The following GDF7 variants were observed in gnomAD, a reference collection of about 807,000 sequenced individuals.
GDF7 encodes the protein growth differentiation factor 7.
In GDF7, 12 loss-of-function variants were observed where a neutral mutation model predicts 13.4. That is an observed-to-expected ratio of 0.90 (90% confidence interval 0.57 to 1.45). GDF7 has a LOEUF of 1.45. GDF7 is among the 40% of genes most tolerant of loss of function. The pLI is 0.00. For synonymous variants in GDF7, 330 were observed against 306.4 expected, an observed-to-expected ratio of 1.08 and a Z score of -0.80; for missense variants, 651 against 652.4, an observed-to-expected ratio of 1.00 and a Z score of 0.02.
chr2:20,676,677 C>G lies in GDF7; in HGVS notation c.*5252C>G, dbSNP rs1466549102. 1.3e-5 allele frequency: 2 copies of G among 152,220 alleles called. No individual in the cohort carries two copies. The highest frequency in any genetic ancestry group is 4.8e-5 in the African/African-American group (2 of 41,446). 9.4% of individuals were successfully genotyped at this position (152,220 alleles called of 1,614,324 possible). A position where few individuals can be genotyped will look rare whatever the true frequency, so the allele number is the denominator to read the frequency against. On this transcript the variant is annotated 3_prime_UTR_variant, in exon 2 of 2. Transcript: ENST00000272224. ...CTGTCTGCCCATGACCTGCAGGTAC[C>G]CACCTTAACCAGAGCTTGGCTTGTG...
chr2:20,670,715 G>A lies in GDF7; in HGVS notation c.643G>A (p.Asp215Asn), dbSNP rs201836157. Reference protein sequence around the residue: ...GQRWEAFDVADAMRRHRREPR... With the variant: ...GQRWEAFDVANAMRRHRREPR... ...GCGCTGGGAGGCGTTCGACGTGGCG[G>A]ACGCCATGAGGCGCCACCGTCGTGA... is the stretch of plus-strand genomic sequence containing the variant. Residue 215 changes from aspartate to asparagine, a missense_variant, in exon 2 of 2, where the codon GAC becomes AAC. Around this residue, in one of 4 missense-constraint regions of GDF7, gnomAD observed 487 missense variants for 445.9 expected, o/e 1.09. Coordinates refer to ENST00000272224, the MANE Select transcript of GDF7 (RefSeq NM_182828.4). 6.5e-4 allele frequency: 961 copies of A among 1,477,484 alleles called. 3 individuals are homozygous for A. The highest frequency in any genetic ancestry group is 1.7e-3 in the Middle Eastern group (9 of 5,204). The allele number at this position is 1,477,484 out of a possible 1,614,324, so 91.5% of individuals were successfully genotyped here.
At chr2:20,669,872 A>G (rs1036301633) in intron 1 of GDF7, among the ~76,000 whole-genome samples, 1 of 152,334 alleles carries the variant, frequency 6.6e-6, no homozygotes, top group East Asian at 1.9e-4. Context: ...CCCAGCCTGC[A>G]TGGGAGACCG....
rs1662221807 is a variant in GDF7, at chr2:20,676,362, A to G, written c.*4937A>G. 6.6e-6 allele frequency: 1 copy of G among 152,282 alleles called. No homozygotes were observed. The allele number at this position is 152,282 out of a possible 1,614,324, so 9.4% of individuals were successfully genotyped here. A position where few individuals can be genotyped will look rare whatever the true frequency, so the allele number is the denominator to read the frequency against. The stretch of plus-strand genomic sequence containing the variant: ...TTTCTAAGTTTTCAGACAGCTTGGC[A>G]TCTTGTACCTGGAACCTCCTGACCA... On this transcript the variant is annotated 3_prime_UTR_variant, in exon 2 of 2. Transcript: ENST00000272224.
chr2:20,670,075 C>G (rs1039402998), intron 1 of GDF7, among the ~76,000 whole-genome samples: 5 of 152,196 alleles, frequency 3.3e-5, no homozygotes, highest in Non-Finnish European at 5.9e-5. Context: ...AACCCAGCCC[C>G]GGACTCTGAT....
In GDF7 at chr2:20,675,186, G is replaced by C. The variant is rs1165971175; in HGVS notation, c.*3761G>C. On this transcript the variant is annotated 3_prime_UTR_variant, in exon 2 of 2. Coordinates refer to ENST00000272224, the MANE Select transcript of GDF7 (RefSeq NM_182828.4). ...GAGAACCTGTCATCTCAGTGAGACAGGCCTCCCACTGGCCCTCAGTGGGCC... is the reference window on the plus strand; with the variant it reads ...GAGAACCTGTCATCTCAGTGAGACACGCCTCCCACTGGCCCTCAGTGGGCC... The C allele has an allele frequency of 6.6e-6, 1 of 152,218 alleles. No individual in the cohort carries two copies. The highest frequency in any genetic ancestry group is 2.4e-5 in the African/African-American group (1 of 41,454). The allele number at this position is 152,218 out of a possible 1,614,324, so 9.4% of individuals were successfully genotyped here. A position where few individuals can be genotyped will look rare whatever the true frequency, so the allele number is the denominator to read the frequency against.
At chr2:20,669,698 A>C (rs1243755756) in intron 1 of GDF7, among the ~76,000 whole-genome samples, 2 of 152,134 alleles carry the variant, frequency 1.3e-5, no homozygotes, top group Non-Finnish European at 2.9e-5. Flanking sequence ...GAGGAGGTGC[A>C]TTTGGGGTTG....
At position 20,671,161 on chromosome 2, in the gene GDF7, G is replaced by A. The variant is rs1662118028; in HGVS notation, c.1089G>A (p.Trp363Ter). The A allele has an allele frequency of 6.2e-7, 1 of 1,613,478 alleles. No individual in the cohort carries two copies. The highest frequency in any genetic ancestry group is 8.5e-7 in the Non-Finnish European group (1 of 1,179,882). Residue 363 changes from tryptophan (W) to a stop codon, truncating the protein, a stop_gained, in exon 2 of 2, where the codon TGG becomes TGA. Transcript: ENST00000272224. LOFTEE classifies it high-confidence loss of function. ...PLHVDFKELG[W>*]DDWIIAPLDY... ...ACGTGGACTTCAAGGAGCTCGGCTG[G>A]GACGACTGGATCATCGCGCCGCTGG...
chr2:20,670,870 G>C lies in GDF7; in HGVS notation c.798G>C (p.Ala266=). The C allele has an allele frequency of 6.6e-7, 1 of 1,516,764 alleles. No homozygotes were observed. Among genetic ancestry groups the C allele is most frequent in the East Asian group, 2.6e-5 (1 of 38,052 alleles). 94.0% of individuals were successfully genotyped at this position (1,516,764 alleles called of 1,614,324 possible). The change falls in exon 2 of 2, where the codon GCG becomes GCC. Residue 266 remains alanine (A), a synonymous_variant. Coordinates refer to ENST00000272224, the MANE Select transcript of GDF7 (RefSeq NM_182828.4). ...GGGGCTCTGCGGCAGAGGAGCGCGC[G>C]GTGCTAGTCGTCTCCTCCCGCACGC... ...GGGGSAAEER[A]VLVVSSRTQR...
Position 20,670,654 on chromosome 2 carries a change from G to A in GDF7, c.582G>A (p.Leu194=). 6.5e-7 allele frequency: 1 copy of A among 1,541,762 alleles called. No individual in the cohort carries two copies. The highest frequency in any genetic ancestry group is 8.7e-7 in the Non-Finnish European group (1 of 1,148,144). ...CGGGCGCCGCCCGAGCGCCACGCCT[G>A]CTGTACTCGCGGGCAGCTGAGCCCC... ...TCPGAARAPR[L]LYSRAAEPLV... Residue 194 remains leucine (L), a synonymous_variant, in exon 2 of 2, where the codon CTG becomes CTA. Coordinates refer to ENST00000272224, the MANE Select transcript of GDF7 (RefSeq NM_182828.4).
Position 20,667,302 on chromosome 2 carries a change from CG to C in GDF7, c.66del (p.Leu23TrpfsTer70). On this transcript the variant is annotated frameshift_variant, in exon 1 of 2. Transcript: ENST00000272224. LOFTEE classifies it high-confidence loss of function. The surrounding 1 kb of genome is among the most constrained non-coding windows in gnomAD (Gnocchi z 6.4). The stretch of plus-strand genomic sequence containing the variant: ...TGCTGAGCGCCTGCCGCCCCCGCGA[CG>C]GGCTGGAAGCGGCCGCCGTGCTGCG... The part of the protein sequence containing the change: ...WLLSACRPRD[G>X]LEAAAVLRAA... 8.5e-7 allele frequency: 1 copy of C among 1,179,256 alleles called. No individual in the cohort carries two copies. Among genetic ancestry groups the C allele is most frequent in the Non-Finnish European group, 1.1e-6 (1 of 947,390 alleles). 73.0% of individuals were successfully genotyped at this position (1,179,256 alleles called of 1,614,324 possible).
rs2149313382 is a variant in GDF7, at chr2:20,679,208, G to A, written c.*7783G>A. 1 of 152,136 alleles carries A rather than the reference G, an allele frequency of 6.6e-6. No individual in the cohort carries two copies. Among genetic ancestry groups the A allele is most frequent in the South Asian group, 2.1e-4 (1 of 4,824 alleles). The allele number at this position is 152,136 out of a possible 1,614,324, so 9.4% of individuals were successfully genotyped here. ...TCTTCATTAACCATTTTAATATTTT[G>A]TACAGATAAGTTGATTAAATATTTT... On this transcript the variant is annotated 3_prime_UTR_variant, in exon 2 of 2. Coordinates refer to ENST00000272224, the MANE Select transcript of GDF7 (RefSeq NM_182828.4).
At position 20,677,589 on chromosome 2, in the gene GDF7, G is replaced by A. The variant is rs552550513; in HGVS notation, c.*6164G>A. On this transcript the variant is annotated 3_prime_UTR_variant, in exon 2 of 2. Coordinates refer to ENST00000272224, the MANE Select transcript of GDF7 (RefSeq NM_182828.4). The stretch of plus-strand genomic sequence containing the variant: ...ATCTAGAACCATGGCTGACCAAAGC[G>A]AGACTTCCGAGTAAGGTTCGTTAAC... 7 of 152,358 alleles carry A rather than the reference G, an allele frequency of 4.6e-5. No individual in the cohort carries two copies. The highest frequency in any genetic ancestry group is 6.5e-5 in the Admixed American group (1 of 15,302). The allele number at this position is 152,358 out of a possible 1,614,324, so 9.4% of individuals were successfully genotyped here. A position where few individuals can be genotyped will look rare whatever the true frequency, so the allele number is the denominator to read the frequency against.
rs1272504698 is a variant in GDF7, at chr2:20,667,999, G to GGGAGTCAC, written c.391+372_391+379dup. 6.6e-6 allele frequency among the ~76,000 whole-genome samples: 1 copy of GGGAGTCAC among 152,230 alleles called. No individual in the cohort carries two copies. Among genetic ancestry groups the GGGAGTCAC allele is most frequent in the Non-Finnish European group, 1.5e-5 (1 of 68,028 alleles). On this transcript the variant is annotated intron_variant, in intron 1 of 1. Coordinates refer to ENST00000272224, the MANE Select transcript of GDF7 (RefSeq NM_182828.4). The surrounding 1 kb of genome is among the most constrained non-coding windows in gnomAD (Gnocchi z 6.4). ...AAAGGAGGGCAAGAGCTGTGTTCCC[G>GGGAGTCAC]GGAGTCACGGCGAGAGGGACTGCAC... is the stretch of plus-strand genomic sequence containing the variant.
At position 20,673,592 on chromosome 2, in the gene GDF7, A is replaced by G. The variant is rs1053442439; in HGVS notation, c.*2167A>G. On this transcript the variant is annotated 3_prime_UTR_variant, in exon 2 of 2. Transcript: ENST00000272224. ...TTTTGAGGAAGGTCTGGGGTATTTA[A>G]TATCTTTGGATAAAAGCAAACATTT... 1.3e-5 allele frequency: 2 copies of G among 152,254 alleles called. No homozygotes were observed. The highest frequency in any genetic ancestry group is 4.8e-5 in the African/African-American group (2 of 41,460). 9.4% of individuals were successfully genotyped at this position (152,254 alleles called of 1,614,324 possible). A position where few individuals can be genotyped will look rare whatever the true frequency, so the allele number is the denominator to read the frequency against.
rs780909897 is a variant in GDF7 at position 20,670,939 on chromosome 2, C to A, written c.867C>A (p.Arg289=). Residue 289 remains arginine, a synonymous_variant, in exon 2 of 2, where the codon CGC becomes CGA. Transcript: ENST00000272224. ...TCCGGGAGATCCGCGCCCAGGCCCG[C>A]GCGCTCGGGGCCGCTCTGGCCTCAG... ...SLFREIRAQA[R]ALGAALASEP... 5 of 1,570,760 alleles carry A rather than the reference C, an allele frequency of 3.2e-6. No individual in the cohort carries two copies. In the African/African-American group the frequency reaches 4.2e-5, roughly 13 times the overall value.
rs376398428 is a variant in GDF7, at chr2:20,678,319, C to T, written c.*6894C>T. On this transcript the variant is annotated 3_prime_UTR_variant, in exon 2 of 2. Coordinates refer to ENST00000272224, the MANE Select transcript of GDF7 (RefSeq NM_182828.4). ...GTAATGCAAACAGCTTTTATGTTTT[C>T]TTTGACGAAGAATCATAATTGAGTC... 19 of 152,264 alleles carry T rather than the reference C, an allele frequency of 1.2e-4. No homozygotes were observed. In the East Asian group the frequency reaches 2.1e-3, roughly 17 times the overall value. The allele number at this position is 152,264 out of a possible 1,614,324, so 9.4% of individuals were successfully genotyped here. A position where few individuals can be genotyped will look rare whatever the true frequency, so the allele number is the denominator to read the frequency against.
rs1230655524 is a variant in GDF7, at chr2:20,678,778, G to A, written c.*7353G>A. ...TTGGTGAGGGGATAGAAATCCTTTC[G>A]CTTTGCAGTGACACCCACTTTTTCT... is the stretch of plus-strand genomic sequence containing the variant. On this transcript the variant is annotated 3_prime_UTR_variant, in exon 2 of 2. Transcript: ENST00000272224. 2.0e-5 allele frequency: 3 copies of A among 152,244 alleles called. No individual in the cohort carries two copies. Among genetic ancestry groups the A allele is most frequent in the African/African-American group, 4.8e-5 (2 of 41,470 alleles). 9.4% of individuals were successfully genotyped at this position (152,244 alleles called of 1,614,324 possible).
Position 20,667,780 on chromosome 2 carries a change from C to A in GDF7, c.391+150C>A, listed in dbSNP as rs1695994089. ...GAAAGAAACTTCGCCGAGGCCAACACTCTCCAGCCCGCTGCACCTGGACTG... is the reference window on the plus strand; with the variant it reads ...GAAAGAAACTTCGCCGAGGCCAACAATCTCCAGCCCGCTGCACCTGGACTG... On this transcript the variant is annotated intron_variant, in intron 1 of 1. Coordinates refer to ENST00000272224, the MANE Select transcript of GDF7 (RefSeq NM_182828.4). The surrounding 1 kb of genome is among the most constrained non-coding windows in gnomAD (Gnocchi z 6.4). The A allele has an allele frequency of 3.9e-6, 2 of 517,052 alleles. No homozygotes were observed. The highest frequency in any genetic ancestry group is 6.0e-6 in the Non-Finnish European group (2 of 334,340). The allele number at this position is 517,052 out of a possible 1,614,324, so 32.0% of individuals were successfully genotyped here.
At position 20,667,218 on chromosome 2, in the gene GDF7, G is replaced by GC; in HGVS notation, c.-19dup. ...CGGAGCCACGGAGCCCGCGCCGCCC[G>GC]CCCGCCCGGCCCACGGAGCCCATGG... On this transcript the variant is annotated 5_prime_UTR_variant, in exon 1 of 2. Coordinates refer to ENST00000272224, the MANE Select transcript of GDF7 (RefSeq NM_182828.4). This position sits in a 1 kb window ranked among gnomAD's most constrained non-coding sequence, Gnocchi z 6.4. 1.2e-6 allele frequency: 1 copy of GC among 830,808 alleles called. No homozygotes were observed. The allele number at this position is 830,808 out of a possible 1,614,324, so 51.5% of individuals were successfully genotyped here. A position where few individuals can be genotyped will look rare whatever the true frequency, so the allele number is the denominator to read the frequency against.
Sources: gnomAD v4.1 joint callset for allele counts (sites outside exome capture counted in the v4.1 genomes callset) on GRCh38, gnomAD v4.1.1 for gene constraint, gnomAD v4.1.1 regional missense constraint, Gnocchi (gnomAD v3.1) non-coding constraint, MANE v1.5 for transcripts, NCBI Gene and HGNC (gene_info 2026-07-23, HGNC 2026-07-21) for gene names.